Variants in UGT1A10 observed in about 807,000 individuals in gnomAD.
UGT1A10 encodes UDP glucuronosyltransferase family 1 member A10.
UGT1A10 carries 49 observed loss-of-function variants against 45.8 expected under a neutral mutation model. The observed-to-expected ratio is 1.07, with a 90% confidence interval of 0.85 to 1.36. The LOEUF (loss-of-function observed/expected upper bound fraction) is 1.36, where lower values mean the gene tolerates loss of function less well. Among genes scored for constraint, UGT1A10 ranks in the 40% most tolerant of loss-of-function variants. The pLI is 0.00. For missense variants in UGT1A10, 745 were observed against 668.6 expected (o/e 1.11, Z -1.26); for synonymous variants, 284 against 249.7 (o/e 1.14, Z -1.29).
chr2:233,744,844 A>C (rs1390116888), intron 1 of UGT1A10, among the ~76,000 whole-genome samples: 1 of 151,966 alleles, frequency 6.6e-6, no homozygotes, highest in African/African-American at 2.4e-5. Context: ...AGTCTAGCAG[A>C]GTAGTCCTTG....
intron 1 of UGT1A10, among the ~76,000 whole-genome samples, chr2:233,754,050 C>A (rs1695383266): frequency 6.6e-6 from 1 of 152,230 alleles, no homozygotes; most frequent in Non-Finnish European, 1.5e-5. Flanking sequence ...GCCAGGTTTA[C>A]CTGCTTTTAT....
At chr2:233,762,469 A>G (rs1394204644) in intron 1 of UGT1A10, among the ~76,000 whole-genome samples, 1 of 152,192 alleles carries the variant, frequency 6.6e-6, no homozygotes, top group African/African-American at 2.4e-5. Context: ...AATGTCATGG[A>G]TATCACTCCA....
At chr2:233,688,953 T>G (rs531606613) in intron 1 of UGT1A10, among the ~76,000 whole-genome samples, 139 of 152,230 alleles carry the variant, frequency 9.1e-4, no homozygotes, top group Non-Finnish European at 1.6e-3. Flanking sequence ...AAGCCAAATG[T>G]TTGGAATCAT....
chr2:233,746,290 CTT>C (rs1389294286), intron 1 of UGT1A10, among the ~76,000 whole-genome samples: 2 of 151,596 alleles, frequency 1.3e-5, no homozygotes, highest in Non-Finnish European at 2.9e-5. Flanking sequence ...AGGAAGGTGG[CTT>C]TGTTTCCCTT....
intron 1 of UGT1A10, among the ~76,000 whole-genome samples, chr2:233,661,206 G>C (rs975090463): frequency 6.6e-6 from 1 of 151,456 alleles, no homozygotes; most frequent in Non-Finnish European, 1.5e-5. Flanking sequence ...CCAACAGTCT[G>C]GTCTATTTTC....
At chr2:233,732,951 G>A (rs1167941280) in intron 1 of UGT1A10, among the ~76,000 whole-genome samples, 3 of 152,104 alleles carry the variant, frequency 2.0e-5, no homozygotes, top group Admixed American at 6.5e-5. Context: ...AGCATGGAAT[G>A]TTCTTCCATT....
intron 1 of UGT1A10, among the ~76,000 whole-genome samples, chr2:233,671,697 C>T (rs1390190660): frequency 6.6e-6 from 1 of 152,192 alleles, no homozygotes; most frequent in East Asian, 1.9e-4. Flanking sequence ...TGTTCTGCCC[C>T]CAAGGCAAAG....
intron 1 of UGT1A10, among the ~76,000 whole-genome samples, chr2:233,702,329 CTTGT>C (rs763433492): frequency 2.7e-4 from 41 of 152,036 alleles, no homozygotes; most frequent in Non-Finnish European, 5.0e-4. Flanking sequence ...CATTTCTGAA[CTTGT>C]TTATTTGTTC....
rs375123865 is a variant in UGT1A10, at chr2:233,769,419, A to G, written c.1295+980A>G. ...TGCATATGTGCGTGTGCGTTTGTGC[A>G]TGTGGCTGTGCTCATGTGTGGGTGC... On this transcript the variant is annotated intron_variant, in intron 4 of 4. Transcript: ENST00000344644. The surrounding 1 kb of genome is among the most constrained non-coding windows in gnomAD (Gnocchi z 4.4). 1.9e-5 allele frequency: 27 copies of G among 1,449,888 alleles called. No individual in the cohort carries two copies. The highest frequency in any genetic ancestry group is 3.6e-4 in the Middle Eastern group (2 of 5,546). The allele number at this position is 1,449,888 out of a possible 1,614,324, so 89.8% of individuals were successfully genotyped here.
intron 1 of UGT1A10, among the ~76,000 whole-genome samples, chr2:233,698,359 G>A (rs17863784): frequency 0.048 from 7,312 of 152,282 alleles, 193 homozygotes; most frequent in Non-Finnish European, 0.059. Context: ...TGAATGTGCT[G>A]AATGCCATGA....
chr2:233,666,142 G>A (rs2074071603), intron 1 of UGT1A10, among the ~76,000 whole-genome samples: 2 of 152,230 alleles, frequency 1.3e-5, no homozygotes, highest in South Asian at 4.1e-4. Flanking sequence ...CATGGCTAGA[G>A]AGAAGCAAGA....
intron 1 of UGT1A10, among the ~76,000 whole-genome samples, chr2:233,681,569 T>G (rs1372123824): frequency 6.6e-6 from 1 of 152,046 alleles, no homozygotes; most frequent in African/African-American, 2.4e-5. Flanking sequence ...AAATTTTTCT[T>G]TGTGACAAAT....
At chr2:233,698,746 T>C (rs1160364349) in intron 1 of UGT1A10, among the ~76,000 whole-genome samples, 1 of 152,368 alleles carries the variant, frequency 6.6e-6, no homozygotes, top group Non-Finnish European at 1.5e-5. Context: ...ATTTTTTACA[T>C]AATGCTATGA....
At chr2:233,768,767 A>G (rs1699720630) in intron 4 of UGT1A10, among the ~76,000 whole-genome samples, 1 of 151,722 alleles carries the variant, frequency 6.6e-6, no homozygotes, top group South Asian at 2.1e-4. Context: ...ATTTTTTAGT[A>G]GAGAAAGGGT....
intron 1 of UGT1A10, chr2:233,747,353 C>T (rs1297550032): frequency 5.6e-6 from 9 of 1,602,858 alleles, no homozygotes; most frequent in East Asian, 2.2e-5. Context: ...TGCGGGAGGC[C>T]GTGCGGGAGC....
chr2:233,668,759 T>C (rs2074125975), intron 1 of UGT1A10, among the ~76,000 whole-genome samples: 1 of 152,238 alleles, frequency 6.6e-6, no homozygotes, highest in African/African-American at 2.4e-5. Flanking sequence ...TGACACATTA[T>C]GTTGAACCAA....
At chr2:233,757,313 C>T (rs1359328872) in intron 1 of UGT1A10, among the ~76,000 whole-genome samples, 3 of 66,648 alleles carry the variant, frequency 4.5e-5, no homozygotes, top group African/African-American at 1.8e-4. Context: ...GACAGGGGGG[C>T]TGGGGCCCTG....
intron 1 of UGT1A10, among the ~76,000 whole-genome samples, chr2:233,738,562 T>C (rs1039423006): frequency 6.6e-6 from 1 of 152,186 alleles, no homozygotes; most frequent in African/African-American, 2.4e-5. Context: ...AGATGAGGAA[T>C]CTGTTGAGAA....
intron 1 of UGT1A10, chr2:233,748,014 C>G: frequency 6.2e-7 from 1 of 1,613,488 alleles, no homozygotes; most frequent in Non-Finnish European, 8.5e-7. Flanking sequence ...TTACCCCAGG[C>G]CGATCATGCC....
Sources: gnomAD v4.1 joint callset for allele counts (sites outside exome capture counted in the v4.1 genomes callset) on GRCh38, gnomAD v4.1.1 for gene constraint, Gnocchi (gnomAD v3.1) non-coding constraint, MANE v1.5 for transcripts, NCBI Gene and HGNC (gene_info 2026-07-23, HGNC 2026-07-21) for gene names.